The following NPNT variants were observed in gnomAD, a reference collection of about 807,000 sequenced individuals.
The protein encoded by NPNT is preosteoblast EGF-like repeat protein with MAM domain.
A neutral mutation model predicts 68.6 loss-of-function variants in NPNT; 45 were observed. That is an observed-to-expected ratio of 0.66 (90% confidence interval 0.52 to 0.84). The LOEUF (loss-of-function observed/expected upper bound fraction) is 0.84. NPNT is among the 40% of genes least tolerant of loss of function. The pLI, the probability that NPNT is intolerant of heterozygous loss-of-function variation, is 0.00. For synonymous variants in NPNT, 233 were observed against 253.3 expected (o/e 0.92, Z 0.76); for missense variants, 672 against 714.8 (o/e 0.94, Z 0.68).
At chr4:105,901,934 G>C (rs918249157) in intron 2 of NPNT, among the ~76,000 whole-genome samples, 2 of 152,168 alleles carry the variant, frequency 1.3e-5, no homozygotes, top group Non-Finnish European at 2.9e-5. Context: ...TATTGGAAGT[G>C]ATGAAAAAAT....
chr4:105,949,555 G>A (rs900629290), intron 8 of NPNT, among the ~76,000 whole-genome samples: 1 of 152,174 alleles, frequency 6.6e-6, no homozygotes, highest in African/African-American at 2.4e-5. Context: ...GCAGGGGATT[G>A]TTAAAAAGCC....
chr4:105,963,467 T>A (rs959742623), intron 10 of NPNT, among the ~76,000 whole-genome samples: 1 of 152,162 alleles, frequency 6.6e-6, no homozygotes, highest in Non-Finnish European at 1.5e-5. Context: ...ATAAGTGCAT[T>A]TGCTAGCTGC....
At chr4:105,923,074 A>T (rs1728378920) in intron 2 of NPNT, among the ~76,000 whole-genome samples, 1 of 152,170 alleles carries the variant, frequency 6.6e-6, no homozygotes, top group African/African-American at 2.4e-5. Flanking sequence ...ATTTTTGAAG[A>T]CCACTGAAAA....
chr4:105,970,396 A>G lies in NPNT; in HGVS notation c.*1406A>G, dbSNP rs1297024503. ...GCTATTTTTGCCAGGAATCACAAAG[A>G]TGATTAAAGGGTTGGAAAAAAAGAT... On this transcript the variant is annotated 3_prime_UTR_variant, in exon 12 of 12. Transcript: ENST00000379987. 1.0e-5 allele frequency: 7 copies of G among 699,822 alleles called. No homozygotes were observed. Among genetic ancestry groups the G allele is most frequent in the South Asian group, 3.0e-5 (2 of 66,992 alleles). The allele number at this position is 699,822 out of a possible 1,614,324, so 43.4% of individuals were successfully genotyped here.
chr4:105,923,622 C>G (rs571312537), intron 2 of NPNT, among the ~76,000 whole-genome samples: 1 of 152,070 alleles, frequency 6.6e-6, no homozygotes, highest in African/African-American at 2.4e-5. Context: ...TTCTCAAGAT[C>G]GCCTCATGGT....
chr4:105,970,152 A>G lies in NPNT; in HGVS notation c.*1162A>G. 1 of 482,824 alleles carries G rather than the reference A, an allele frequency of 2.1e-6. No homozygotes were observed. The highest frequency in any genetic ancestry group is 3.5e-5 in the East Asian group (1 of 28,386). 29.9% of individuals were successfully genotyped at this position (482,824 alleles called of 1,614,324 possible). On this transcript the variant is annotated 3_prime_UTR_variant, in exon 12 of 12. Transcript: ENST00000379987. The stretch of plus-strand genomic sequence containing the variant: ...TCATGTTGTGCTGTGTCAGGATGGG[A>G]TAGGAAGCAAGTCCCATGCTTAGAG...
intron 8 of NPNT, among the ~76,000 whole-genome samples, chr4:105,957,270 A>G (rs1050472682): frequency 3.3e-5 from 5 of 152,132 alleles, no homozygotes; most frequent in Admixed American, 3.3e-4. Context: ...CTCCATATTT[A>G]AAGTCTGCTT....
At chr4:105,940,706 G>T in intron 7 of NPNT, 70 bp downstream of exon 7, 1 of 1,291,714 alleles carries the variant, frequency 7.7e-7, no homozygotes, top group South Asian at 1.3e-5. Flanking sequence ...GCCATTGCTA[G>T]GGAAAATAAG....
At chr4:105,925,768 C>T (rs560773168) in intron 2 of NPNT, among the ~76,000 whole-genome samples, 2 of 152,272 alleles carry the variant, frequency 1.3e-5, no homozygotes, top group South Asian at 4.1e-4. Flanking sequence ...TCACGTCAGA[C>T]CTAAACTATT....
intron 2 of NPNT, among the ~76,000 whole-genome samples, chr4:105,922,801 G>C (rs7664805): frequency 0.071 from 10,862 of 152,256 alleles, 522 homozygotes; most frequent in Non-Finnish European, 0.11. Context: ...TTTTGAGAGT[G>C]ATTGCCCATT....
At chr4:105,896,051 G>T (rs991864646) in intron 1 of NPNT, 4 of 361,338 alleles carry the variant, frequency 1.1e-5, no homozygotes, top group African/African-American at 6.4e-5. Context: ...CACCTACGCC[G>T]AGGTGACGCG....
chr4:105,968,071 A>T (rs368729703), intron 11 of NPNT, among the ~76,000 whole-genome samples: 5 of 152,182 alleles, frequency 3.3e-5, no homozygotes, highest in African/African-American at 1.2e-4. Flanking sequence ...GGGCATCCCA[A>T]CAAAATTATG....
chr4:105,919,020 C>G (rs1728034901), intron 2 of NPNT, among the ~76,000 whole-genome samples: 1 of 152,120 alleles, frequency 6.6e-6, no homozygotes, highest in South Asian at 2.1e-4. Context: ...TCCCAGCAGT[C>G]TAACTGCAGC....
chr4:105,955,758 T>A (rs4571331), intron 8 of NPNT, among the ~76,000 whole-genome samples: 2,279 of 152,260 alleles, frequency 0.015, 16 homozygotes, highest in African/African-American at 0.021. Flanking sequence ...AATGATTTGT[T>A]CTGCTACTTA....
At chr4:105,948,846 C>G (rs547165740) in intron 8 of NPNT, among the ~76,000 whole-genome samples, 1 of 152,260 alleles carries the variant, frequency 6.6e-6, no homozygotes, top group South Asian at 2.1e-4. Context: ...AATCCTCCCA[C>G]CTTGGCCTCC....
Position 105,940,646 on chromosome 4 carries a change from A to T in NPNT, c.763+10A>T. 1 of 1,611,612 alleles carries T rather than the reference A, an allele frequency of 6.2e-7. No homozygotes were observed. The highest frequency in any genetic ancestry group is 8.5e-7 in the Non-Finnish European group (1 of 1,178,572). ...GGACTGACTTGTGTGTGTGAGTAGC[A>T]CTTGTCTCTCAGCTTTAAATTCTAG... is the stretch of plus-strand genomic sequence containing the variant. On this transcript the variant is annotated intron_variant, in intron 7 of 11. Transcript: ENST00000379987.
intron 2 of NPNT, among the ~76,000 whole-genome samples, chr4:105,898,321 T>C (rs1726076186): frequency 5.4e-5 from 7 of 128,960 alleles, no homozygotes; most frequent in African/African-American, 2.7e-4. Context: ...TGTCTCTCTC[T>C]CTCTCTGTCT....
intron 6 of NPNT, 90 bp downstream of exon 6, chr4:105,940,299 A>C (rs1729834663): frequency 1.5e-6 from 2 of 1,345,420 alleles, no homozygotes; most frequent in Non-Finnish European, 2.1e-6. Context: ...TGTCAGGGGC[A>C]GGGGAGAGTA....
chr4:105,912,295 A>T (rs1260176551), intron 2 of NPNT: 1 of 1,134,856 alleles, frequency 8.8e-7, no homozygotes, highest in Non-Finnish European at 1.3e-6. Context: ...TGAAAGGCAT[A>T]CCTTCTAAAT....
Sources: gnomAD v4.1 joint callset for allele counts (sites outside exome capture counted in the v4.1 genomes callset) on GRCh38, gnomAD v4.1.1 for gene constraint, MANE v1.5 for transcripts, NCBI Gene and HGNC (gene_info 2026-07-23, HGNC 2026-07-21) for gene names.